The following LRFN5 variants were observed in gnomAD, a reference collection of about 807,000 sequenced individuals.
LRFN5 encodes leucine-rich repeat and fibronectin type-III domain-containing protein 5.
In LRFN5, 24 loss-of-function variants were observed where a neutral mutation model predicts 45.6. The ratio of observed to expected loss-of-function variants is 0.53; its 90% confidence interval spans 0.38 to 0.74. The LOEUF (loss-of-function observed/expected upper bound fraction) is 0.74, where lower values mean the gene tolerates loss of function less well. Among genes scored for constraint, LRFN5 ranks in the 30% least tolerant of loss-of-function variants. LRFN5 has a pLI of 0.00. For synonymous variants in LRFN5, 340 were observed against 313.8 expected (o/e 1.08, Z -0.88); for missense variants, 776 against 861.5 (o/e 0.90, Z 1.24).
chr14:41,805,599 C>T (rs574553029), intron 2 of LRFN5, among the ~76,000 whole-genome samples: 7 of 149,754 alleles, frequency 4.7e-5, no homozygotes, highest in African/African-American at 1.7e-4. Flanking sequence ...GTTCCCCTTC[C>T]TGTGTCCATG....
Position 41,793,116 on chromosome 14 carries a change from T to G in LRFN5, c.-21+26087T>G, listed in dbSNP as rs1566445370. Reference sequence around the variant, plus strand: ...ATACATATGTAACTAACCTTCACATTGTGCACATGTACCCTAAAACTTAAA... The same window carrying G: ...ATACATATGTAACTAACCTTCACATGGTGCACATGTACCCTAAAACTTAAA... On this transcript the variant is annotated intron_variant, in intron 2 of 5. Coordinates refer to ENST00000298119, the MANE Select transcript of LRFN5 (RefSeq NM_152447.5). Among the ~76,000 whole-genome samples the G allele has an allele frequency of 2.6e-5, 4 of 151,366 alleles. No homozygotes were observed. In the South Asian group the frequency reaches 8.4e-4, roughly 32 times the overall value.
chr14:41,871,914 A>G (rs926265711), intron 2 of LRFN5, among the ~76,000 whole-genome samples: 4 of 152,118 alleles, frequency 2.6e-5, no homozygotes, highest in Non-Finnish European at 5.9e-5. Flanking sequence ...CACATATTTA[A>G]CCAATAACCA....
chr14:41,733,531 C>A (rs560179953), intron 1 of LRFN5: 3 of 151,958 alleles, frequency 2.0e-5, no homozygotes, highest in African/African-American at 4.8e-5. Flanking sequence ...TACCAGTAGA[C>A]CTGCCTTAAA....
intron 2 of LRFN5, among the ~76,000 whole-genome samples, chr14:41,772,963 C>T (rs1156870896): frequency 6.6e-6 from 1 of 152,116 alleles, no homozygotes; most frequent in Non-Finnish European, 1.5e-5. Flanking sequence ...CAAGAGCCTC[C>T]TAAATTATTT....
At chr14:41,820,334 G>C (rs1888071479) in intron 2 of LRFN5, among the ~76,000 whole-genome samples, 1 of 151,946 alleles carries the variant, frequency 6.6e-6, no homozygotes, top group East Asian at 1.9e-4. Flanking sequence ...TCTGCATGTG[G>C]CTATCCTATT....
chr14:41,896,634 T>C (rs146239718), intron 4 of LRFN5, among the ~76,000 whole-genome samples: 9 of 152,356 alleles, frequency 5.9e-5, no homozygotes, highest in African/African-American at 2.2e-4. Context: ...GAATTTTTAC[T>C]TTCAAAGGAC....
chr14:41,698,589 G>A (rs558749720), intron 1 of LRFN5, among the ~76,000 whole-genome samples: 66 of 152,124 alleles, frequency 4.3e-4, no homozygotes, highest in African/African-American at 1.3e-3. Flanking sequence ...GTGCAGCCAA[G>A]GTTGAGATCC....
intron 1 of LRFN5, among the ~76,000 whole-genome samples, chr14:41,635,678 C>T (rs1483360412): frequency 6.6e-6 from 1 of 151,962 alleles, no homozygotes; most frequent in Non-Finnish European, 1.5e-5. Context: ...AAAATAAGGG[C>T]AGGTATTTTA....
intron 1 of LRFN5, among the ~76,000 whole-genome samples, chr14:41,617,214 A>G (rs1887958103): frequency 6.6e-6 from 1 of 152,098 alleles, no homozygotes; most frequent in Non-Finnish European, 1.5e-5. Flanking sequence ...CATCTTCATC[A>G]TATTCTGAGA....
chr14:41,666,227 T>C (rs111786694), intron 1 of LRFN5, among the ~76,000 whole-genome samples: 115 of 152,162 alleles, frequency 7.6e-4, no homozygotes, highest in African/African-American at 2.6e-3. Context: ...ACTTCTACTT[T>C]TTCTCATTTT....
At chr14:41,813,652 T>C (rs1418818966) in intron 2 of LRFN5, among the ~76,000 whole-genome samples, 1 of 152,152 alleles carries the variant, frequency 6.6e-6, no homozygotes, top group East Asian at 1.9e-4. Flanking sequence ...ACAATAAACA[T>C]ATGTGTGCGT....
At chr14:41,847,641 C>T (rs760227290) in intron 2 of LRFN5, among the ~76,000 whole-genome samples, 4 of 151,612 alleles carry the variant, frequency 2.6e-5, no homozygotes, top group Admixed American at 2.0e-4. Flanking sequence ...CCCTTCTTTC[C>T]GATGAGAAAA....
intron 1 of LRFN5, among the ~76,000 whole-genome samples, chr14:41,765,462 G>C (rs891585091): frequency 6.6e-6 from 1 of 151,524 alleles, no homozygotes; most frequent in Non-Finnish European, 1.5e-5. Context: ...ATTTCTGAAA[G>C]AATGTTCTAA....
chr14:41,707,592 T>C (rs762106460), intron 1 of LRFN5, among the ~76,000 whole-genome samples: 2 of 152,182 alleles, frequency 1.3e-5, no homozygotes, highest in Non-Finnish European at 2.9e-5. Context: ...TTTACTTTTA[T>C]ATATACTAAA....
At chr14:41,744,636 C>T (rs1401795314) in intron 1 of LRFN5, among the ~76,000 whole-genome samples, 1 of 152,030 alleles carries the variant, frequency 6.6e-6, no homozygotes, top group Non-Finnish European at 1.5e-5. Context: ...ACATAATATG[C>T]TGTTCACAAG....
intron 1 of LRFN5, among the ~76,000 whole-genome samples, chr14:41,680,115 G>C (rs1049280539): frequency 1.3e-5 from 2 of 152,154 alleles, no homozygotes; most frequent in African/African-American, 4.8e-5. Flanking sequence ...ACAATAGGTA[G>C]ATCCCTAAGG....
chr14:41,784,311 T>C (rs1886640058), intron 2 of LRFN5, among the ~76,000 whole-genome samples: 2 of 152,138 alleles, frequency 1.3e-5, no homozygotes, highest in Non-Finnish European at 2.9e-5. Flanking sequence ...TAAATGCTGA[T>C]CTCTAATAGT....
intron 1 of LRFN5, among the ~76,000 whole-genome samples, chr14:41,722,060 T>A (rs747200242): frequency 6.6e-6 from 1 of 152,100 alleles, no homozygotes; most frequent in Non-Finnish European, 1.5e-5. Flanking sequence ...ACTTTGTTCA[T>A]TTTTTTAAAT....
intron 5 of LRFN5, among the ~76,000 whole-genome samples, chr14:41,900,947 G>T (rs144183307): frequency 1.3e-5 from 2 of 152,002 alleles, no homozygotes; most frequent in Non-Finnish European, 2.9e-5. Flanking sequence ...CGAGTTTTCC[G>T]TAGCCAGTCA....
Sources: allele counts gnomAD v4.1 joint callset (sites outside exome capture counted in the v4.1 genomes callset), GRCh38; gene constraint gnomAD v4.1.1; transcripts MANE v1.5; gene names NCBI Gene and HGNC (gene_info 2026-07-23, HGNC 2026-07-21).